CCDC148: variants seen among roughly 807,000 people sequenced by gnomAD.
The protein encoded by CCDC148 is coiled-coil domain-containing protein 148.
A neutral mutation model predicts 85.7 loss-of-function variants in CCDC148; 89 were observed. That is an observed-to-expected ratio of 1.04 (90% confidence interval 0.87 to 1.24). The LOEUF (loss-of-function observed/expected upper bound fraction) is 1.24, where lower values mean the gene tolerates loss of function less well. Ranked by LOEUF, CCDC148 falls within the 50% of genes most tolerant of loss-of-function variation. The probability of loss-of-function intolerance (pLI) is 0.00; values close to 1 mark genes in which losing one functional copy is unlikely to be tolerated. For synonymous variants in CCDC148, 230 were observed against 213.9 expected (o/e 1.08, Z -0.66); for missense variants, 692 against 671.7 (o/e 1.03, Z -0.33).
intron 1 of CCDC148, among the ~76,000 whole-genome samples, chr2:158,421,709 G>A (rs532246709): frequency 1.3e-5 from 2 of 152,078 alleles, no homozygotes; most frequent in African/African-American, 4.8e-5. Flanking sequence ...ACATTCAAAA[G>A]CTAGCAGAAG....
intron 2 of CCDC148, among the ~76,000 whole-genome samples, chr2:158,352,208 G>A (rs554858634): frequency 7.3e-4 from 110 of 150,408 alleles, no homozygotes; most frequent in East Asian, 2.2e-3. Context: ...CACCAGCAAC[G>A]GAACAAAGCT....
chr2:158,358,069 G>A (rs992770252), intron 2 of CCDC148, among the ~76,000 whole-genome samples: 3 of 152,076 alleles, frequency 2.0e-5, no homozygotes, highest in Non-Finnish European at 4.4e-5. Context: ...AGCACCTGAG[G>A]ACATATTTGT....
At chr2:158,247,618 A>G (rs1361196461) in intron 10 of CCDC148, among the ~76,000 whole-genome samples, 2 of 152,256 alleles carry the variant, frequency 1.3e-5, no homozygotes, top group East Asian at 1.9e-4. Context: ...GCACTTTGGG[A>G]GGCTGAGGCG....
chr2:158,411,196 G>A (rs1412158421), intron 1 of CCDC148, among the ~76,000 whole-genome samples: 1 of 152,006 alleles, frequency 6.6e-6, no homozygotes, highest in Non-Finnish European at 1.5e-5. Context: ...GGAGTCCTTT[G>A]GGTTTCTAAA....
intron 1 of CCDC148, among the ~76,000 whole-genome samples, chr2:158,418,414 T>A (rs899420120): frequency 6.6e-6 from 1 of 152,204 alleles, no homozygotes; most frequent in Non-Finnish European, 1.5e-5. Flanking sequence ...AAAAATTAAA[T>A]GTATTTAAAA....
intron 9 of CCDC148, among the ~76,000 whole-genome samples, chr2:158,260,338 A>G (rs1421522564): frequency 1.3e-5 from 2 of 152,038 alleles, no homozygotes; most frequent in African/African-American, 2.4e-5. Flanking sequence ...CTCTCAATAA[A>G]CTAGGTATTG....
rs750001304 is a variant in CCDC148 at position 158,345,234 on chromosome 2, G to C, written c.232C>G (p.Gln78Glu). The change falls in exon 3 of 14, where the codon CAG becomes GAG. Residue 78 changes from glutamine (Q) to glutamate (E), a missense_variant. By Grantham distance (29) the Gln-to-Glu change is conservative. Coordinates refer to ENST00000283233, the MANE Select transcript of CCDC148 (RefSeq NM_138803.4). ...QHKQVWWQEY[Q>E]RLNEVRCKME... ...TCTTACCTGACTTCATTCAGCCTCTGGTATTCCTGCCACCACACTTGCTTG... is the reference window on the plus strand; with the variant it reads ...TCTTACCTGACTTCATTCAGCCTCTCGTATTCCTGCCACCACACTTGCTTG... The C allele has an allele frequency of 2.5e-5, 40 of 1,612,996 alleles. No homozygotes were observed. The highest frequency in any genetic ancestry group is 1.7e-4 in the Middle Eastern group (1 of 6,056).
chr2:158,240,452 T>TCACACACACACACACA (rs4028276), intron 10 of CCDC148, among the ~76,000 whole-genome samples: 4 of 120,546 alleles, frequency 3.3e-5, no homozygotes, highest in Admixed American at 1.8e-4. Context: ...TCTCTCTCTC[T>TCACACACACACACACA]CACACACACA....
chr2:158,338,745 G>A lies in CCDC148; in HGVS notation c.745C>T (p.Gln249Ter). 1.2e-6 allele frequency: 2 copies of A among 1,606,696 alleles called. No homozygotes were observed. Among genetic ancestry groups the A allele is most frequent in the Non-Finnish European group, 1.7e-6 (2 of 1,178,034 alleles). ...TATCACCTGTATATGTCTTCCAACTGCAGATTAAAGTCTTGAAGCTTCTTC... is the reference window on the plus strand; with the variant it reads ...TATCACCTGTATATGTCTTCCAACTACAGATTAAAGTCTTGAAGCTTCTTC... ...YQKKLQDFNL[Q>*]LEDIYRNCQL... The change falls in exon 7 of 14, where the codon CAG becomes TAG. Residue 249 changes from glutamine to a stop codon, truncating the protein, a stop_gained. Transcript: ENST00000283233. LOFTEE classifies it high-confidence loss of function.
chr2:158,171,786 A>C lies in CCDC148; in HGVS notation c.*327T>G, dbSNP rs1291601665. Reference sequence around the variant, plus strand: ...AGCAGGTAGCAGCTACATAATTTATAATTCTCACAAAGTTATTTTGAGCTC... The same window carrying C: ...AGCAGGTAGCAGCTACATAATTTATCATTCTCACAAAGTTATTTTGAGCTC... On this transcript the variant is annotated 3_prime_UTR_variant, in exon 14 of 14. Transcript: ENST00000283233. 6.2e-6 allele frequency: 1 copy of C among 161,682 alleles called. No homozygotes were observed. The highest frequency in any genetic ancestry group is 1.3e-5 in the Non-Finnish European group (1 of 74,942). The allele number at this position is 161,682 out of a possible 1,614,324, so 10.0% of individuals were successfully genotyped here. A position where few individuals can be genotyped will look rare whatever the true frequency, so the allele number is the denominator to read the frequency against.
chr2:158,427,948 G>A (rs568899776), intron 1 of CCDC148, among the ~76,000 whole-genome samples: 3 of 152,288 alleles, frequency 2.0e-5, no homozygotes, highest in Non-Finnish European at 2.9e-5. Flanking sequence ...AGATCATTGC[G>A]GTAGAGAAGA....
intron 3 of CCDC148, among the ~76,000 whole-genome samples, chr2:158,344,983 A>T (rs1273947448): frequency 6.6e-6 from 1 of 152,146 alleles, no homozygotes; most frequent in Middle Eastern, 3.2e-3. Flanking sequence ...TGATTGACAC[A>T]TACAGAAGAT....
chr2:158,444,633 T>C (rs541634352), intron 1 of CCDC148, among the ~76,000 whole-genome samples: 26 of 150,756 alleles, frequency 1.7e-4, no homozygotes, highest in Non-Finnish European at 2.8e-4. Context: ...ATAAACAAAA[T>C]TGGCCAGGCA....
intron 1 of CCDC148, among the ~76,000 whole-genome samples, chr2:158,428,473 G>A (rs1687176878): frequency 6.6e-6 from 1 of 151,940 alleles, no homozygotes; most frequent in African/African-American, 2.4e-5. Context: ...TGAGAAGATA[G>A]CAATTTCATT....
intron 2 of CCDC148, among the ~76,000 whole-genome samples, chr2:158,354,000 A>G (rs1045465715): frequency 5.3e-5 from 8 of 152,126 alleles, no homozygotes; most frequent in African/African-American, 1.9e-4. Context: ...CGAAATGAAG[A>G]CAGAAATAAA....
At chr2:158,245,837 C>T (rs1025776951) in intron 10 of CCDC148, among the ~76,000 whole-genome samples, 2 of 150,642 alleles carry the variant, frequency 1.3e-5, no homozygotes, top group Non-Finnish European at 3.0e-5. Flanking sequence ...TTTATCATGA[C>T]AACAATTTCA....
At chr2:158,197,281 T>G (rs917128928) in intron 11 of CCDC148, among the ~76,000 whole-genome samples, 1 of 152,122 alleles carries the variant, frequency 6.6e-6, no homozygotes, top group African/African-American at 2.4e-5. Flanking sequence ...TTAATCAACA[T>G]TTTAATCAAT....
At chr2:158,235,253 G>A (rs1688050104) in intron 10 of CCDC148, among the ~76,000 whole-genome samples, 1 of 152,026 alleles carries the variant, frequency 6.6e-6, no homozygotes, top group African/African-American at 2.4e-5. Flanking sequence ...GCATGTAAAG[G>A]GCATAACTAT....
intron 1 of CCDC148, among the ~76,000 whole-genome samples, chr2:158,368,252 G>T (rs961926836): frequency 6.6e-6 from 1 of 152,052 alleles, no homozygotes; most frequent in Non-Finnish European, 1.5e-5. Context: ...AAAATAATGG[G>T]CATATGTTCT....
Sources: allele counts gnomAD v4.1 joint callset (sites outside exome capture counted in the v4.1 genomes callset), GRCh38; gene constraint gnomAD v4.1.1; transcripts MANE v1.5; gene names NCBI Gene and HGNC (gene_info 2026-07-23, HGNC 2026-07-21).